The following NDUFAF2 variants were observed in gnomAD, a reference collection of about 807,000 sequenced individuals.
The protein encoded by NDUFAF2 is NADH:ubiquinone oxidoreductase complex assembly factor 2, also known as NADH dehydrogenase [ubiquinone] 1 alpha subcomplex assembly factor 2.
In NDUFAF2, 13 loss-of-function variants were observed where a neutral mutation model predicts 22.8. The observed-to-expected ratio is 0.57, with a 90% CI of 0.37 to 0.91. The LOEUF (loss-of-function observed/expected upper bound fraction) is 0.91. Among genes scored for constraint, NDUFAF2 ranks in the 40% least tolerant of loss-of-function variants. The pLI, the probability that NDUFAF2 is intolerant of heterozygous loss-of-function variation, is 0.01. For synonymous variants in NDUFAF2, 53 were observed against 64.2 expected (o/e 0.83, Z 0.84); for missense variants, 162 against 195.2 (o/e 0.83, Z 1.01).
intron 1 of NDUFAF2, among the ~76,000 whole-genome samples, chr5:61,034,453 A>C (rs1037447198): frequency 6.6e-6 from 1 of 152,180 alleles, no homozygotes; most frequent in Non-Finnish European, 1.5e-5. Context: ...TTGTGTATCT[A>C]AACATAGAAA....
intron 1 of NDUFAF2, among the ~76,000 whole-genome samples, chr5:61,019,624 C>A (rs1267082088): frequency 6.6e-6 from 1 of 152,010 alleles, no homozygotes. Flanking sequence ...AAAAAACCCT[C>A]CTGCTATAAA....
intron 1 of NDUFAF2, among the ~76,000 whole-genome samples, chr5:60,973,824 A>G (rs918342639): frequency 6.6e-6 from 1 of 152,098 alleles, no homozygotes; most frequent in Non-Finnish European, 1.5e-5. Context: ...TATTTTATTG[A>G]GACAAGGTCT....
At chr5:60,966,777 T>C (rs1750762989) in intron 1 of NDUFAF2, among the ~76,000 whole-genome samples, 1 of 152,108 alleles carries the variant, frequency 6.6e-6, no homozygotes, top group South Asian at 2.1e-4. Context: ...TCAAGTAGTG[T>C]GGTGCCTCAG....
intron 1 of NDUFAF2, among the ~76,000 whole-genome samples, chr5:61,049,824 A>ATATATATATAAATATATGTG (rs1752000613): frequency 2.0e-5 from 3 of 151,716 alleles, no homozygotes; most frequent in African/African-American, 7.3e-5. Flanking sequence ...TTATATACAT[A>ATATATATATAAATATATGTG]TATATAAATA....
chr5:61,062,509 A>C (rs551249286), intron 1 of NDUFAF2, among the ~76,000 whole-genome samples: 1 of 152,290 alleles, frequency 6.6e-6, no homozygotes, highest in South Asian at 2.1e-4. Flanking sequence ...GGAATGACTC[A>C]GAGGAAAAAA....
chr5:61,065,821 C>T (rs949615593), intron 1 of NDUFAF2, among the ~76,000 whole-genome samples: 3 of 151,836 alleles, frequency 2.0e-5, no homozygotes, highest in Admixed American at 6.6e-5. Flanking sequence ...TTCTGTTCAG[C>T]GTAGTACTAG....
chr5:61,040,294 G>GCA lies in NDUFAF2; in HGVS notation c.128-32830_128-32829insAC, dbSNP rs1561548657. ...CACACACACACACACACACGCGCGCGCGCGCGCGAAAGTTGAAAGCAGAGA... is the reference window on the plus strand; with the variant it reads ...CACACACACACACACACACGCGCGCGCACGCGCGCGAAAGTTGAAAGCAGAGA... On this transcript the variant is annotated intron_variant, in intron 1 of 3. Coordinates refer to ENST00000296597, the MANE Select transcript of NDUFAF2 (RefSeq NM_174889.5). Among the ~76,000 whole-genome samples the GCA allele has an allele frequency of 7.0e-5, 9 of 128,390 alleles. 1 individual carries two copies. Among genetic ancestry groups the GCA allele is most frequent in the Admixed American group, 5.7e-4 (7 of 12,298 alleles). The allele number at this position is 128,390 out of a possible 152,430, so 84.2% of individuals were successfully genotyped here.
rs183140027 is a variant in NDUFAF2, at chr5:60,982,447, G to A, written c.127+37065G>A. Among the ~76,000 whole-genome samples, 506 of 151,952 alleles carry A rather than the reference G, an allele frequency of 3.3e-3. 4 individuals carry two copies. Among genetic ancestry groups the A allele is most frequent in the African/African-American group, 0.012 (484 of 41,440 alleles). ...AAGTTTTAGGGTACATGTACACAAC[G>A]TACAGGTTTGTTACATATGTATATA... On this transcript the variant is annotated intron_variant, in intron 1 of 3. Coordinates refer to ENST00000296597, the MANE Select transcript of NDUFAF2 (RefSeq NM_174889.5).
chr5:61,040,286 A>ACACGCGCGCGCGCG (rs1491193758), intron 1 of NDUFAF2, among the ~76,000 whole-genome samples: 46 of 93,082 alleles, frequency 4.9e-4, no homozygotes, highest in East Asian at 3.1e-3. Flanking sequence ...ACACACACAC[A>ACACGCGCGCGCGCG]CGCGCGCGCG....
chr5:60,979,967 CAG>C (rs150215377), intron 1 of NDUFAF2, among the ~76,000 whole-genome samples: 2,365 of 152,164 alleles, frequency 0.016, 73 homozygotes, highest in African/African-American at 0.054. Context: ...GCTCTGCACA[CAG>C]AGACTCTGTT....
At chr5:61,123,348 G>A (rs747784495) in intron 3 of NDUFAF2, among the ~76,000 whole-genome samples, 36 of 152,232 alleles carry the variant, frequency 2.4e-4, no homozygotes, top group Non-Finnish European at 4.1e-4. Flanking sequence ...AAACTAGATA[G>A]TATAGCCTAC....
At chr5:61,005,135 T>C (rs1034256783) in intron 1 of NDUFAF2, among the ~76,000 whole-genome samples, 1 of 152,144 alleles carries the variant, frequency 6.6e-6, no homozygotes, top group Non-Finnish European at 1.5e-5. Flanking sequence ...CCCCACCCTG[T>C]GTCCAAGTGT....
chr5:61,131,759 T>G (rs932248702), intron 3 of NDUFAF2, among the ~76,000 whole-genome samples: 6 of 152,286 alleles, frequency 3.9e-5, no homozygotes, highest in Middle Eastern at 3.4e-3. Flanking sequence ...TCTATAATTA[T>G]AAACATGTAA....
At chr5:60,968,846 C>A (rs868462857) in intron 1 of NDUFAF2, among the ~76,000 whole-genome samples, 1 of 151,924 alleles carries the variant, frequency 6.6e-6, no homozygotes, top group African/African-American at 2.4e-5. Flanking sequence ...TCTCCACTTC[C>A]CCACCACCCC....
intron 1 of NDUFAF2, among the ~76,000 whole-genome samples, chr5:60,958,925 G>A (rs933752650): frequency 6.6e-6 from 1 of 152,014 alleles, no homozygotes; most frequent in Non-Finnish European, 1.5e-5. Context: ...CCTAAATATA[G>A]TTTCATTGCC....
chr5:61,010,676 T>C (rs1751432196), intron 1 of NDUFAF2, among the ~76,000 whole-genome samples: 1 of 152,164 alleles, frequency 6.6e-6, no homozygotes, highest in South Asian at 2.1e-4. Flanking sequence ...CTGTGGCTTA[T>C]GCAGCTATTT....
At chr5:61,085,551 C>T (rs1029485360) in intron 2 of NDUFAF2, among the ~76,000 whole-genome samples, 7 of 151,812 alleles carry the variant, frequency 4.6e-5, no homozygotes, top group Non-Finnish European at 7.4e-5. Flanking sequence ...CTTGTCAATG[C>T]AATAAAGCAA....
chr5:60,962,799 C>T (rs1007466379), intron 1 of NDUFAF2, among the ~76,000 whole-genome samples: 1 of 150,788 alleles, frequency 6.6e-6, no homozygotes, highest in Non-Finnish European at 1.5e-5. Context: ...CACCGCTGCA[C>T]TCCAGCCAAG....
intron 1 of NDUFAF2, among the ~76,000 whole-genome samples, chr5:61,016,045 G>T (rs1751505643): frequency 6.6e-6 from 1 of 152,086 alleles, no homozygotes; most frequent in South Asian, 2.1e-4. Context: ...AATTAGCTGG[G>T]CGTGGTGGTG....
Sources: allele counts gnomAD v4.1 joint callset (sites outside exome capture counted in the v4.1 genomes callset), GRCh38; gene constraint gnomAD v4.1.1; transcripts MANE v1.5; gene names NCBI Gene and HGNC (gene_info 2026-07-23, HGNC 2026-07-21).